The following KIF27 variants were observed in gnomAD, a reference collection of about 807,000 sequenced individuals.
KIF27 encodes kinesin family member 27.
A neutral mutation model predicts 141.8 loss-of-function variants in KIF27; 84 were observed. That is an observed-to-expected ratio of 0.59 (90% CI 0.50 to 0.71). KIF27 has a LOEUF of 0.71. Ranked by LOEUF, KIF27 falls within the 30% of genes least tolerant of loss-of-function variation. The probability of loss-of-function intolerance (pLI) is 0.00; values close to 1 mark genes in which losing one functional copy is unlikely to be tolerated. For synonymous variants in KIF27, 471 were observed against 569.5 expected, an observed-to-expected ratio of 0.83 and a Z score of 2.46; for missense variants, 1,306 against 1,628.4, an observed-to-expected ratio of 0.80 and a Z score of 3.41.
chr9:83,871,064 C>A (rs965188638), intron 11 of KIF27, among the ~76,000 whole-genome samples: 1 of 151,990 alleles, frequency 6.6e-6, no homozygotes, highest in African/African-American at 2.4e-5. Flanking sequence ...GTGTGTACCA[C>A]CACATCCAGC....
At chr9:83,916,569 GAATT>G (rs1470176792) in intron 1 of KIF27, among the ~76,000 whole-genome samples, 2 of 151,736 alleles carry the variant, frequency 1.3e-5, no homozygotes, top group Admixed American at 6.6e-5. Context: ...ATCTCTGCTA[GAATT>G]AATACATTAA....
At chr9:83,890,450 G>A (rs572550267) in intron 6 of KIF27, among the ~76,000 whole-genome samples, 16 of 152,338 alleles carry the variant, frequency 1.1e-4, no homozygotes, top group African/African-American at 3.8e-4. Context: ...TTTTGTGAGA[G>A]TTTGGGAATT....
At chr9:83,894,650 A>G (rs1953000737) in intron 5 of KIF27, among the ~76,000 whole-genome samples, 1 of 152,176 alleles carries the variant, frequency 6.6e-6, no homozygotes, top group Non-Finnish European at 1.5e-5. Context: ...AACATTTTAT[A>G]GGTGTTGTCA....
chr9:83,867,610 C>T (rs1313636325), intron 13 of KIF27, 74 bp downstream of exon 13: 19 of 1,447,024 alleles, frequency 1.3e-5, no homozygotes, highest in Non-Finnish European at 1.5e-5. Flanking sequence ...TTATGTTTTT[C>T]TGATTATAGC....
intron 17 of KIF27, 28 bp from the exon 18 acceptor site, chr9:83,837,513 T>C (rs764848149): frequency 1.3e-6 from 2 of 1,554,168 alleles, no homozygotes; most frequent in Admixed American, 2.1e-5. Context: ...ACCAAAAAAT[T>C]AGATACTATT....
chr9:83,882,002 GT>G (rs1481708053), intron 10 of KIF27, among the ~76,000 whole-genome samples: 1 of 152,052 alleles, frequency 6.6e-6, no homozygotes, highest in African/African-American at 2.4e-5. Flanking sequence ...ATTTAAAAAT[GT>G]TTTGTTTTAA....
chr9:83,840,732 A>G (rs1946458960), intron 17 of KIF27, among the ~76,000 whole-genome samples: 1 of 152,270 alleles, frequency 6.6e-6, no homozygotes, highest in South Asian at 2.1e-4. Context: ...TATATATAGC[A>G]GACAGTATTT....
rs138750593 is a variant in KIF27 at position 83,871,293 on chromosome 9, G to A, written c.2644-661C>T. ...CAGTGATTATTTCAATACATATAAC[G>A]TATAGTGATCAGACCAGGATAATTA... On this transcript the variant is annotated intron_variant, in intron 11 of 17. Coordinates refer to ENST00000297814, the MANE Select transcript of KIF27 (RefSeq NM_017576.4). 6.1e-3 allele frequency among the ~76,000 whole-genome samples: 923 copies of A among 152,140 alleles called. 10 individuals are homozygous for A. Among genetic ancestry groups the A allele is most frequent in the African/African-American group, 0.021 (872 of 41,512 alleles).
rs766080244 is a variant in KIF27, at chr9:83,853,815, T to G, written c.3171A>C (p.Gln1057His). Residue 1057 changes from glutamine to histidine, a missense_variant, in exon 15 of 18, where the codon CAA (glutamine) becomes CAC (histidine). Physicochemically the swap from Gln to His is conservative, Grantham distance 24. This residue lies in a region of KIF27 where 596 missense variants were observed against 751.6 expected (regional missense o/e 0.79). Coordinates refer to ENST00000297814, the MANE Select transcript of KIF27 (RefSeq NM_017576.4). ...CCAAAGCTTCAATCCCTTCTTCAAG[T>G]TGGAAAAGAACATGTTCTTCCTAGA... Reference protein sequence around the residue: ...LSPEEEHVLFQLEEGIEALEA... With the variant: ...LSPEEEHVLFHLEEGIEALEA... The G allele has an allele frequency of 6.2e-7, 1 of 1,610,786 alleles. No homozygotes were observed. Among genetic ancestry groups the G allele is most frequent in the African/African-American group, 1.3e-5 (1 of 74,824 alleles).
At chr9:83,896,290 T>C (rs1953243596) in intron 5 of KIF27, among the ~76,000 whole-genome samples, 1 of 152,096 alleles carries the variant, frequency 6.6e-6, no homozygotes, top group Non-Finnish European at 1.5e-5. Flanking sequence ...TTGGATCTTT[T>C]CCATTTATCT....
At chr9:83,889,334 T>C in intron 6 of KIF27, 81 bp from the exon 7 acceptor site, 1 of 1,263,540 alleles carries the variant, frequency 7.9e-7, no homozygotes, top group African/African-American at 1.5e-5. Context: ...CTAAGTGCTT[T>C]TAAAGGGGTT....
At chr9:83,879,919 T>C (rs191736648) in intron 11 of KIF27, among the ~76,000 whole-genome samples, 1 of 152,344 alleles carries the variant, frequency 6.6e-6, no homozygotes, top group East Asian at 1.9e-4. Flanking sequence ...CTGGTACTTT[T>C]TCTGTGTAGC....
chr9:83,895,560 G>A (rs2132443119), intron 5 of KIF27, among the ~76,000 whole-genome samples: 1 of 152,020 alleles, frequency 6.6e-6, no homozygotes, highest in South Asian at 2.1e-4. Context: ...AATACAAGAA[G>A]GTATTTTTAT....
At chr9:83,865,655 A>C (rs531349818) in intron 13 of KIF27, among the ~76,000 whole-genome samples, 10 of 152,228 alleles carry the variant, frequency 6.6e-5, no homozygotes, top group East Asian at 5.8e-4. Flanking sequence ...ACTTGTAGTT[A>C]TTTATAGATA....
chr9:83,909,349 GC>G (rs1954907867), intron 2 of KIF27, among the ~76,000 whole-genome samples: 1 of 152,278 alleles, frequency 6.6e-6, no homozygotes, highest in East Asian at 1.9e-4. Context: ...AGTGGCTCAT[GC>G]CTGTAATCCC....
At position 83,888,568 on chromosome 9, in the gene KIF27, C is replaced by T. The variant is rs1167711735; in HGVS notation, c.2004G>A (p.Gln668=). The T allele has an allele frequency of 1.3e-6, 2 of 1,596,562 alleles. No individual in the cohort carries two copies. Among genetic ancestry groups the T allele is most frequent in the Admixed American group, 3.4e-5 (2 of 57,986 alleles). Residue 668 remains glutamine, a synonymous_variant, in exon 8 of 18, where the codon CAG becomes CAA. Transcript: ENST00000297814. ...CAAGGGAACAAACAGAGTCTGGCTT[C>T]TGAATCCATGAACGACTTCTACATC... ...GTRCRSRSWI[Q]KPDSVCSLVE... is the part of the protein sequence containing the mutation.
chr9:83,895,055 T>C (rs912314795), intron 5 of KIF27, among the ~76,000 whole-genome samples: 1 of 147,138 alleles, frequency 6.8e-6, no homozygotes, highest in Non-Finnish European at 1.5e-5. Context: ...ACCAAGACCA[T>C]CCTGGCTAAC....
rs564432134 is a variant in KIF27, at chr9:83,845,349, G to A, written c.3557-2948C>T. On this transcript the variant is annotated intron_variant, in intron 16 of 17. Transcript: ENST00000297814. ...GACCTATCTAGCTATAAAGTGGGTC[G>A]TGCACAGCAGCATTCCATCATCAAA... Among the ~76,000 whole-genome samples the A allele has an allele frequency of 9.2e-5, 14 of 152,242 alleles. No homozygotes were observed. In the South Asian group the frequency reaches 2.5e-3, roughly 27 times the overall value.
intron 15 of KIF27, among the ~76,000 whole-genome samples, chr9:83,853,166 T>C (rs1281673661): frequency 6.6e-6 from 1 of 152,116 alleles, no homozygotes; most frequent in African/African-American, 2.4e-5. Context: ...TCTACTATTA[T>C]CTTTGCCACT....
Sources: gnomAD v4.1 joint callset for allele counts (sites outside exome capture counted in the v4.1 genomes callset) on GRCh38, gnomAD v4.1.1 for gene constraint, gnomAD v4.1.1 regional missense constraint, MANE v1.5 for transcripts, NCBI Gene and HGNC (gene_info 2026-07-23, HGNC 2026-07-21) for gene names.